FBXL13: variants seen among roughly 807,000 people sequenced by gnomAD.
FBXL13 encodes the protein F-box and leucine rich repeat protein 13, also known as F-box and leucine-rich repeat protein 13.
In FBXL13, 67 loss-of-function variants were observed where a neutral mutation model predicts 83.6. That is an observed-to-expected ratio of 0.80 (90% CI 0.66 to 0.98). FBXL13 has a LOEUF of 0.98. Among genes scored for constraint, FBXL13 ranks in the 50% least tolerant of loss-of-function variants. The pLI, the probability that FBXL13 is intolerant of heterozygous loss-of-function variation, is 0.00. For synonymous variants in FBXL13, 272 were observed against 299.5 expected (o/e 0.91, Z 0.95); for missense variants, 822 against 866.5 (o/e 0.95, Z 0.64).
intron 2 of FBXL13, among the ~76,000 whole-genome samples, chr7:103,036,649 T>C (rs1442389523): frequency 6.6e-6 from 1 of 152,116 alleles, no homozygotes; most frequent in African/African-American, 2.4e-5. Flanking sequence ...GTAACTGGGA[T>C]TACAGGTGTG....
chr7:103,064,540 C>A (rs1316233090), intron 1 of FBXL13, among the ~76,000 whole-genome samples: 1 of 152,158 alleles, frequency 6.6e-6, no homozygotes. Flanking sequence ...TGATCTATAT[C>A]TTTTTAGAGA....
intron 6 of FBXL13, among the ~76,000 whole-genome samples, chr7:102,984,519 C>A (rs908564076): frequency 2.6e-5 from 4 of 152,144 alleles, no homozygotes; most frequent in African/African-American, 9.7e-5. Flanking sequence ...AGTTCCAGTA[C>A]AAATCTGAGT....
intron 11 of FBXL13, among the ~76,000 whole-genome samples, chr7:102,904,646 C>T (rs1027190884): frequency 5.3e-5 from 8 of 151,796 alleles, no homozygotes; most frequent in Non-Finnish European, 1.0e-4. Flanking sequence ...TTCTTTTCTT[C>T]TAATAATTTT....
At chr7:102,959,394 A>T (rs1824816491) in intron 8 of FBXL13, among the ~76,000 whole-genome samples, 1 of 152,076 alleles carries the variant, frequency 6.6e-6, no homozygotes, top group Non-Finnish European at 1.5e-5. Context: ...TGCTTTTTAT[A>T]TGTCACTATA....
intron 16 of FBXL13, among the ~76,000 whole-genome samples, chr7:102,870,160 T>G (rs1229797459): frequency 6.6e-6 from 1 of 152,214 alleles, no homozygotes; most frequent in African/African-American, 2.4e-5. Flanking sequence ...ATAATCTGTA[T>G]GCTATCAGTA....
At chr7:102,866,250 G>A (rs1807632525) in intron 16 of FBXL13, among the ~76,000 whole-genome samples, 2 of 152,186 alleles carry the variant, frequency 1.3e-5, no homozygotes, top group Non-Finnish European at 2.9e-5. Flanking sequence ...GATCCATCTT[G>A]AGGGAAGTGA....
chr7:102,944,683 T>A, intron 8 of FBXL13: 2 of 1,324,816 alleles, frequency 1.5e-6, no homozygotes, highest in Non-Finnish European at 2.0e-6. Context: ...TACATTTGAT[T>A]AACTGTGTTG....
chr7:103,039,481 CAA>C (rs1192755382), intron 2 of FBXL13, among the ~76,000 whole-genome samples: 2 of 152,142 alleles, frequency 1.3e-5, no homozygotes, highest in Admixed American at 1.3e-4. Flanking sequence ...GACACCAACA[CAA>C]AGATACGCCT....
intron 5 of FBXL13, 38 bp downstream of exon 6, chr7:103,027,411 C>T (rs1217362352): frequency 1.4e-6 from 2 of 1,414,880 alleles, no homozygotes; most frequent in South Asian, 2.4e-5. Flanking sequence ...ATAACTGAAA[C>T]ATTCGGATTC....
At chr7:102,954,525 A>G (rs1324968083) in intron 8 of FBXL13, among the ~76,000 whole-genome samples, 1 of 152,154 alleles carries the variant, frequency 6.6e-6, no homozygotes, top group East Asian at 1.9e-4. Flanking sequence ...ACGACAGGAA[A>G]ACATTCACAC....
intron 2 of FBXL13, among the ~76,000 whole-genome samples, chr7:103,047,965 G>T (rs1796442789): frequency 6.6e-6 from 1 of 152,038 alleles, no homozygotes; most frequent in South Asian, 2.1e-4. Context: ...CAAAGTGTTG[G>T]GATTACAGGC....
chr7:102,881,688 G>C (rs1810120572), intron 14 of FBXL13, among the ~76,000 whole-genome samples: 1 of 152,088 alleles, frequency 6.6e-6, no homozygotes, highest in South Asian at 2.1e-4. Flanking sequence ...CAGGGATTTA[G>C]AAGTGAACTA....
At chr7:102,971,594 C>CAAAAA (rs11447254) in intron 6 of FBXL13, among the ~76,000 whole-genome samples, 1 of 115,058 alleles carries the variant, frequency 8.7e-6, no homozygotes, top group Non-Finnish European at 1.7e-5. Context: ...AACTCCGTCT[C>CAAAAA]AAAAAAAAAA....
chr7:103,058,305 C>T (rs1042593588), intron 1 of FBXL13, among the ~76,000 whole-genome samples: 7 of 152,210 alleles, frequency 4.6e-5, no homozygotes, highest in Non-Finnish European at 8.8e-5. Flanking sequence ...GCTCAGCCAC[C>T]TGCAGACTGA....
chr7:102,812,445 T>C (rs1360861286), downstream of FBXL13, among the ~76,000 whole-genome samples: 1 of 152,234 alleles, frequency 6.6e-6, no homozygotes, highest in Non-Finnish European at 1.5e-5. Flanking sequence ...CAGATAGTTC[T>C]TGTTTCTATT....
intron 6 of FBXL13, among the ~76,000 whole-genome samples, chr7:102,985,083 A>G (rs1828781162): frequency 6.6e-6 from 1 of 152,120 alleles, no homozygotes; most frequent in Non-Finnish European, 1.5e-5. Flanking sequence ...ACAGACCTTC[A>G]TTCCTGACAC....
exon 16 of FBXL13, chr7:102,877,545 A>G: frequency 6.2e-7 from 1 of 1,611,576 alleles, no homozygotes; most frequent in Non-Finnish European, 8.5e-7. Flanking sequence ...TTCCTTGGGC[A>G]GTCAAATGTT....
intron 16 of FBXL13, among the ~76,000 whole-genome samples, chr7:102,875,788 C>A (rs972279926): frequency 2.6e-5 from 4 of 152,040 alleles, no homozygotes; most frequent in Admixed American, 2.6e-4. Context: ...GCTGGAAGGA[C>A]AATGGGAAGA....
intron 18 of FBXL13, among the ~76,000 whole-genome samples, chr7:102,826,752 T>TAC (rs1319314503): frequency 1.8e-5 from 2 of 114,264 alleles, no homozygotes; most frequent in Admixed American, 1.1e-4. Flanking sequence ...TATATATATA[T>TAC]ATATATATAT....
Sources: gnomAD v4.1 joint callset for allele counts (sites outside exome capture counted in the v4.1 genomes callset) on GRCh38, gnomAD v4.1.1 for gene constraint, MANE v1.5 for transcripts, NCBI Gene and HGNC (gene_info 2026-07-23, HGNC 2026-07-21) for gene names.